AKAP6: variants seen among roughly 807,000 people sequenced by gnomAD.
AKAP6 encodes the protein A-kinase anchoring protein 6, also known as A-kinase anchor protein 6.
AKAP6 carries 58 observed loss-of-function variants against 188.5 expected under a neutral mutation model. That is an observed-to-expected ratio of 0.31 (90% CI 0.25 to 0.38). The LOEUF (loss-of-function observed/expected upper bound fraction) is 0.38, where lower values mean the gene tolerates loss of function less well. AKAP6 is among the 10% of genes least tolerant of loss of function. The pLI is 1.00. For missense variants in AKAP6, 2,710 were observed against 2,740.0 expected (o/e 0.99, Z 0.24); for synonymous variants, 989 against 998.6 (o/e 0.99, Z 0.18).
chr14:32,528,792 C>T (rs1285247743), intron 2 of AKAP6, among the ~76,000 whole-genome samples: 2 of 152,048 alleles, frequency 1.3e-5, no homozygotes, highest in African/African-American at 2.4e-5. Flanking sequence ...ATTCTCCTGC[C>T]TCAGCTTCCC....
At chr14:32,356,713 A>G (rs765972248) in intron 1 of AKAP6, among the ~76,000 whole-genome samples, 16 of 151,662 alleles carry the variant, frequency 1.1e-4, no homozygotes, top group Non-Finnish European at 2.1e-4. Flanking sequence ...TATTCCCTTT[A>G]CTCTATGCCT....
At chr14:32,796,941 G>A (rs2033786749) in intron 12 of AKAP6, among the ~76,000 whole-genome samples, 1 of 151,988 alleles carries the variant, frequency 6.6e-6, no homozygotes, top group African/African-American at 2.4e-5. Flanking sequence ...GGAACTTAGA[G>A]TTACAAGAAA....
At chr14:32,619,917 T>A (rs1457291390) in intron 7 of AKAP6, among the ~76,000 whole-genome samples, 1 of 152,116 alleles carries the variant, frequency 6.6e-6, no homozygotes, top group Non-Finnish European at 1.5e-5. Context: ...CTGGATATTT[T>A]GTTTTATTTT....
chr14:32,420,909 T>TTTTGTG (rs1555327187), intron 1 of AKAP6, among the ~76,000 whole-genome samples: 2,342 of 146,512 alleles, frequency 0.016, 49 homozygotes, highest in African/African-American at 0.051. Context: ...GGAGATTGAT[T>TTTTGTG]TGTGTGTGTG....
At chr14:32,441,364 G>A (rs963633777) in intron 2 of AKAP6, among the ~76,000 whole-genome samples, 2 of 152,134 alleles carry the variant, frequency 1.3e-5, no homozygotes, top group Non-Finnish European at 2.9e-5. Context: ...AAATAAGAAG[G>A]ATGTCTGATG....
intron 2 of AKAP6, among the ~76,000 whole-genome samples, chr14:32,453,844 C>T (rs1013513181): frequency 6.6e-6 from 1 of 151,862 alleles, no homozygotes; most frequent in Non-Finnish European, 1.5e-5. Flanking sequence ...CTCGGCCTCC[C>T]AAAGTGCTGG....
chr14:32,622,536 C>T (rs1036465972), intron 7 of AKAP6, among the ~76,000 whole-genome samples: 2 of 152,138 alleles, frequency 1.3e-5, no homozygotes, highest in Non-Finnish European at 2.9e-5. Flanking sequence ...AATCCCTTCT[C>T]TGCATCTGTT....
At chr14:32,754,766 T>C (rs764381499) in intron 11 of AKAP6, among the ~76,000 whole-genome samples, 8 of 152,212 alleles carry the variant, frequency 5.3e-5, no homozygotes, top group Admixed American at 1.3e-4. Flanking sequence ...TTGCCAAATA[T>C]GGTATTCTTG....
rs545727602 is a variant in AKAP6, at chr14:32,630,779, A to G, written c.2730+29987A>G. On this transcript the variant is annotated intron_variant, in intron 7 of 13. Transcript: ENST00000280979. ...TGTTTTAAATAATTTATTTTTCTTT[A>G]TGATATTAATAGTAATAGATGCTCA... 7.9e-5 allele frequency among the ~76,000 whole-genome samples: 12 copies of G among 152,212 alleles called. No homozygotes were observed. In the East Asian group the frequency reaches 2.3e-3, roughly 29 times the overall value.
intron 5 of AKAP6, among the ~76,000 whole-genome samples, chr14:32,591,637 C>A (rs778746685): frequency 1.4e-5 from 2 of 139,506 alleles, no homozygotes; most frequent in Non-Finnish European, 3.1e-5. Flanking sequence ...CTTCATATCT[C>A]AGTGTCTTCT....
At position 32,545,520 on chromosome 14, in the gene AKAP6, A is replaced by C; in HGVS notation, c.867A>C (p.Ala289=). 1 of 1,614,238 alleles carries C rather than the reference A, an allele frequency of 6.2e-7. No individual in the cohort carries two copies. The highest frequency in any genetic ancestry group is 1.1e-5 in the South Asian group (1 of 91,088). The change falls in exon 4 of 14, where the codon GCA becomes GCC. Residue 289 remains alanine, a synonymous_variant. Coordinates refer to ENST00000280979, the MANE Select transcript of AKAP6 (RefSeq NM_004274.5). ...ADSISTNGSE[A]VTEEVSQVSL... is the part of the protein sequence containing the mutation. ...CTATCTCTACCAATGGCAGTGAAGC[A>C]GTTACTGAGGAGGTATCTCAAGTAT...
intron 1 of AKAP6, among the ~76,000 whole-genome samples, chr14:32,329,668 A>G (rs1030033963): frequency 3.3e-5 from 5 of 152,154 alleles, no homozygotes; most frequent in East Asian, 1.9e-4. Flanking sequence ...TTTCATAAAC[A>G]TAAGATGATT....
intron 9 of AKAP6, among the ~76,000 whole-genome samples, chr14:32,728,818 C>A (rs1458423524): frequency 1.3e-5 from 2 of 152,078 alleles, no homozygotes; most frequent in Non-Finnish European, 2.9e-5. Context: ...CATCATGCTG[C>A]CTTTTTTCTT....
intron 2 of AKAP6, among the ~76,000 whole-genome samples, chr14:32,473,065 C>T (rs887262883): frequency 3.3e-5 from 5 of 152,146 alleles, no homozygotes; most frequent in African/African-American, 1.2e-4. Flanking sequence ...AAATATAAAT[C>T]CCTGTGGAAT....
intron 1 of AKAP6, among the ~76,000 whole-genome samples, chr14:32,337,576 T>TTTATTTTA (rs1484315443): frequency 6.6e-6 from 1 of 152,114 alleles, no homozygotes; most frequent in Non-Finnish European, 1.5e-5. Context: ...AAAATTTTAT[T>TTTATTTTA]TTATTATTAT....
intron 1 of AKAP6, among the ~76,000 whole-genome samples, chr14:32,407,480 G>A (rs1889334499): frequency 6.6e-6 from 1 of 152,202 alleles, no homozygotes; most frequent in Non-Finnish European, 1.5e-5. Context: ...GGCAGAGTCT[G>A]AGCCTACCTG....
At chr14:32,648,893 C>CA (rs935429609) in intron 7 of AKAP6, among the ~76,000 whole-genome samples, 2 of 151,450 alleles carry the variant, frequency 1.3e-5, no homozygotes, top group African/African-American at 2.4e-5. Context: ...TTTCTTTTAC[C>CA]AAAAAAAAGA....
chr14:32,667,567 T>C (rs1439366476), intron 7 of AKAP6, among the ~76,000 whole-genome samples: 1 of 152,142 alleles, frequency 6.6e-6, no homozygotes, highest in Admixed American at 6.6e-5. Context: ...TTTATATTGA[T>C]TTTTATTCTA....
At chr14:32,731,251 C>G (rs996022161) in intron 9 of AKAP6, among the ~76,000 whole-genome samples, 6 of 152,124 alleles carry the variant, frequency 3.9e-5, no homozygotes, top group African/African-American at 1.2e-4. Flanking sequence ...CACGCAAATG[C>G]TGAAGATCTA....
Sources: allele counts gnomAD v4.1 joint callset (sites outside exome capture counted in the v4.1 genomes callset), GRCh38; gene constraint gnomAD v4.1.1; transcripts MANE v1.5; gene names NCBI Gene and HGNC (gene_info 2026-07-23, HGNC 2026-07-21).